The following PDE4B variants were observed in gnomAD, a reference collection of about 807,000 sequenced individuals.
PDE4B encodes the protein 3',5'-cyclic-AMP phosphodiesterase 4B.
Under a neutral mutation model 82.2 loss-of-function variants are expected in PDE4B, and 20 were observed. That is an observed-to-expected ratio of 0.24 (90% confidence interval 0.17 to 0.35). The LOEUF (loss-of-function observed/expected upper bound fraction) is 0.35, where lower values mean the gene tolerates loss of function less well. Among genes scored for constraint, PDE4B ranks in the 10% least tolerant of loss-of-function variants. PDE4B has a pLI of 1.00. For synonymous variants in PDE4B, 320 were observed against 318.9 expected, an observed-to-expected ratio of 1.00 and a Z score of -0.04; for missense variants, 655 against 907.2, an observed-to-expected ratio of 0.72 and a Z score of 3.57.
intron 1 of PDE4B, among the ~76,000 whole-genome samples, chr1:65,825,705 C>CCTGT (rs752252352): frequency 7.4e-4 from 80 of 107,446 alleles, no homozygotes; most frequent in African/African-American, 2.5e-3. Flanking sequence ...AACAAAATTA[C>CCTGT]CTATCTATCT....
intron 3 of PDE4B, among the ~76,000 whole-genome samples, chr1:66,238,203 A>G (rs1210602577): frequency 6.6e-6 from 1 of 152,222 alleles, no homozygotes; most frequent in Non-Finnish European, 1.5e-5. Flanking sequence ...GACTGTTCAA[A>G]GCAAAGCAGA....
intron 3 of PDE4B, among the ~76,000 whole-genome samples, chr1:65,930,263 G>A (rs1647757949): frequency 6.6e-6 from 1 of 152,180 alleles, no homozygotes; most frequent in African/African-American, 2.4e-5. Flanking sequence ...TCTTTCCCGA[G>A]CCCACTGACT....
chr1:65,989,180 A>G (rs1651110539), intron 3 of PDE4B, among the ~76,000 whole-genome samples: 1 of 152,094 alleles, frequency 6.6e-6, no homozygotes, highest in African/African-American at 2.4e-5. Flanking sequence ...CTTTGACAGG[A>G]TGTGAATATC....
chr1:66,019,291 T>A (rs1487313103), intron 3 of PDE4B, among the ~76,000 whole-genome samples: 1 of 152,100 alleles, frequency 6.6e-6, no homozygotes, highest in Admixed American at 6.5e-5. Flanking sequence ...GCTATTTAAA[T>A]GTCCCATGCA....
intron 1 of PDE4B, among the ~76,000 whole-genome samples, chr1:65,842,052 A>C (rs1219309845): frequency 6.6e-6 from 1 of 152,178 alleles, no homozygotes; most frequent in Non-Finnish European, 1.5e-5. Flanking sequence ...ATGGAGGTGA[A>C]TCTTACACCA....
At chr1:65,992,001 A>T (rs1452203272) in intron 3 of PDE4B, among the ~76,000 whole-genome samples, 5 of 152,172 alleles carry the variant, frequency 3.3e-5, no homozygotes, top group African/African-American at 1.2e-4. Context: ...AATGAGCTTA[A>T]ACAGAAGAAT....
intron 1 of PDE4B, among the ~76,000 whole-genome samples, chr1:65,846,483 AAAT>A (rs1646269836): frequency 6.6e-6 from 1 of 152,226 alleles, no homozygotes; most frequent in Non-Finnish European, 1.5e-5. Context: ...GAGGTAATAA[AAAT>A]CAAGTTTCAG....
At chr1:66,204,426 T>C (rs1024339553) in intron 3 of PDE4B, among the ~76,000 whole-genome samples, 8 of 152,248 alleles carry the variant, frequency 5.3e-5, no homozygotes, top group African/African-American at 1.9e-4. Context: ...TTTTTGTTTG[T>C]CTGTGCCCTG....
chr1:65,971,879 A>G (rs1321316702), intron 3 of PDE4B, among the ~76,000 whole-genome samples: 1 of 152,220 alleles, frequency 6.6e-6, no homozygotes, highest in Admixed American at 6.6e-5. Context: ...ATTTTCAGAA[A>G]TGAGCATCAT....
At chr1:66,337,124 C>G (rs116770087) in intron 8 of PDE4B, among the ~76,000 whole-genome samples, 151 of 152,292 alleles carry the variant, frequency 9.9e-4, no homozygotes, top group African/African-American at 3.4e-3. Flanking sequence ...GGTAGACAGG[C>G]GCTCAGTCCT....
At chr1:66,301,190 A>T (rs570449197) in intron 7 of PDE4B, among the ~76,000 whole-genome samples, 9 of 151,740 alleles carry the variant, frequency 5.9e-5, no homozygotes, top group Admixed American at 5.9e-4. Flanking sequence ...AGAGAAGCAG[A>T]TTTTTTTCTA....
At chr1:66,058,240 A>T (rs1232235971) in intron 3 of PDE4B, among the ~76,000 whole-genome samples, 2 of 152,202 alleles carry the variant, frequency 1.3e-5, no homozygotes, top group Admixed American at 6.5e-5. Context: ...GTGGGTTCCC[A>T]TGGTATTGGG....
chr1:65,898,485 C>T (rs1646935533), intron 1 of PDE4B, among the ~76,000 whole-genome samples: 1 of 151,740 alleles, frequency 6.6e-6, no homozygotes, highest in Admixed American at 6.6e-5. Flanking sequence ...CATATGGAAC[C>T]AAAAAAGAGG....
chr1:66,153,934 T>A (rs1250620872), intron 3 of PDE4B, among the ~76,000 whole-genome samples: 1 of 152,212 alleles, frequency 6.6e-6, no homozygotes, highest in African/African-American at 2.4e-5. Flanking sequence ...ATGCCTGATA[T>A]ACCATCATTT....
chr1:66,257,025 C>G (rs977178297), intron 4 of PDE4B, among the ~76,000 whole-genome samples: 1 of 152,124 alleles, frequency 6.6e-6, no homozygotes, highest in Non-Finnish European at 1.5e-5. Context: ...ACACTAGGTA[C>G]AGCTTAATCT....
intron 3 of PDE4B, among the ~76,000 whole-genome samples, chr1:66,114,209 TAGCC>T (rs986213178): frequency 2.6e-4 from 39 of 152,154 alleles, no homozygotes; most frequent in African/African-American, 9.4e-4. Context: ...GAAACCAAAT[TAGCC>T]AGCACCTTGA....
chr1:65,847,611 A>G (rs1454876839), intron 1 of PDE4B, among the ~76,000 whole-genome samples: 1 of 152,142 alleles, frequency 6.6e-6, no homozygotes, highest in South Asian at 2.1e-4. Context: ...AGTTGTCATG[A>G]TTTTCTGCAG....
At chr1:66,055,570 T>C (rs1391367919) in intron 3 of PDE4B, among the ~76,000 whole-genome samples, 1 of 152,190 alleles carries the variant, frequency 6.6e-6, no homozygotes, top group Non-Finnish European at 1.5e-5. Flanking sequence ...GTGGTTAGTA[T>C]TGTAGGTCAG....
chr1:66,032,653 ATTTT>A (rs368856631), intron 3 of PDE4B, among the ~76,000 whole-genome samples: 10 of 110,418 alleles, frequency 9.1e-5, no homozygotes, highest in Admixed American at 3.7e-4. Context: ...CATTTATCTA[ATTTT>A]TTTTTTTTTT....
Sources: allele counts gnomAD v4.1 joint callset (sites outside exome capture counted in the v4.1 genomes callset), GRCh38; gene constraint gnomAD v4.1.1; transcripts MANE v1.5; gene names NCBI Gene and HGNC (gene_info 2026-07-23, HGNC 2026-07-21).